SPAG16: variants seen among roughly 807,000 people sequenced by gnomAD.
SPAG16 encodes sperm-associated antigen 16 protein.
In SPAG16, 86 loss-of-function variants were observed where a neutral mutation model predicts 80.4. The observed-to-expected ratio is 1.07, with a 90% CI of 0.90 to 1.28. The LOEUF is 1.28. Among genes scored for constraint, SPAG16 ranks in the 50% most tolerant of loss-of-function variants. The probability of loss-of-function intolerance (pLI) is 0.00; values close to 1 mark genes in which losing one functional copy is unlikely to be tolerated. For synonymous variants in SPAG16, 294 were observed against 265.9 expected, an observed-to-expected ratio of 1.11 and a Z score of -1.03; for missense variants, 870 against 765.3, an observed-to-expected ratio of 1.14 and a Z score of -1.61.
chr2:213,736,403 T>G (rs2067283941), intron 10 of SPAG16, among the ~76,000 whole-genome samples: 1 of 152,032 alleles, frequency 6.6e-6, no homozygotes, highest in Non-Finnish European at 1.5e-5. Flanking sequence ...TTCTCCCATT[T>G]CAGCCTTCCA....
At chr2:213,605,500 T>A (rs537604681) in intron 10 of SPAG16, among the ~76,000 whole-genome samples, 36 of 152,180 alleles carry the variant, frequency 2.4e-4, no homozygotes, top group South Asian at 8.3e-4. Context: ...AAATATATTT[T>A]TTTTTTGAGA....
At chr2:213,795,816 C>T (rs530046371) in intron 10 of SPAG16, among the ~76,000 whole-genome samples, 1 of 152,312 alleles carries the variant, frequency 6.6e-6, no homozygotes, top group East Asian at 1.9e-4. Flanking sequence ...ACCTGCTTTT[C>T]CTTCACCTTC....
In SPAG16 at chr2:214,204,806, C is replaced by T. The variant is rs147390023; in HGVS notation, c.1720+55540C>T. ...CCCTCCCCAAAAGATCACACCAGCTCACCAGTAATGGATCGAAACCAAGAA... is the reference window on the plus strand; with the variant it reads ...CCCTCCCCAAAAGATCACACCAGCTTACCAGTAATGGATCGAAACCAAGAA... On this transcript the variant is annotated intron_variant, in intron 15 of 15. Transcript: ENST00000331683. Among the ~76,000 whole-genome samples the T allele has an allele frequency of 3.3e-3, 504 of 152,270 alleles. 2 individuals are homozygous for T. Among genetic ancestry groups the T allele is most frequent in the African/African-American group, 0.011 (470 of 41,562 alleles).
At chr2:213,709,639 T>C (rs550760555) in intron 10 of SPAG16, among the ~76,000 whole-genome samples, 1 of 152,216 alleles carries the variant, frequency 6.6e-6, no homozygotes, top group African/African-American at 2.4e-5. Context: ...CCTTACTCTG[T>C]TTTTTTCAAG....
Position 214,026,663 on chromosome 2 carries a change from T to C in SPAG16, c.1527+12586T>C, listed in dbSNP as rs144160607. Reference sequence around the variant, plus strand: ...CTAACCTTTATATCTCCTTAGATAATAGCAATTGATAAATAAAGCTGGAGG... The same window carrying C: ...CTAACCTTTATATCTCCTTAGATAACAGCAATTGATAAATAAAGCTGGAGG... On this transcript the variant is annotated intron_variant, in intron 13 of 15. Transcript: ENST00000331683. Among the ~76,000 whole-genome samples, 1,272 of 151,528 alleles carry C rather than the reference T, an allele frequency of 8.4e-3. 19 individuals are homozygous for C. Among genetic ancestry groups the C allele is most frequent in the African/African-American group, 0.029 (1,211 of 41,474 alleles).
chr2:213,767,655 T>TCATACA (rs1553626610), intron 10 of SPAG16, among the ~76,000 whole-genome samples: 1 of 147,666 alleles, frequency 6.8e-6, no homozygotes, highest in Admixed American at 6.8e-5. Flanking sequence ...ACAACATACT[T>TCATACA]CACACACACA....
At chr2:213,424,946 G>A (rs765543923) in intron 9 of SPAG16, among the ~76,000 whole-genome samples, 1 of 152,144 alleles carries the variant, frequency 6.6e-6, no homozygotes, top group Non-Finnish European at 1.5e-5. Flanking sequence ...AAAGAAGCAA[G>A]ATTTGTTGTA....
At chr2:214,049,693 G>A (rs1005693482) in intron 13 of SPAG16, among the ~76,000 whole-genome samples, 8 of 152,214 alleles carry the variant, frequency 5.3e-5, no homozygotes, top group Non-Finnish European at 1.0e-4. Flanking sequence ...GGGGACCAGC[G>A]GGGCTGCCCC....
At chr2:214,027,916 T>C (rs187342203) in intron 13 of SPAG16, among the ~76,000 whole-genome samples, 2 of 152,078 alleles carry the variant, frequency 1.3e-5, no homozygotes, top group East Asian at 3.9e-4. Context: ...TCTTGGAATG[T>C]ATCGTGATTG....
chr2:213,445,248 C>T (rs767941532), intron 9 of SPAG16, among the ~76,000 whole-genome samples: 15 of 152,014 alleles, frequency 9.9e-5, no homozygotes, highest in South Asian at 2.1e-4. Flanking sequence ...TACTTGCAAA[C>T]GATTCAACTG....
intron 9 of SPAG16, among the ~76,000 whole-genome samples, chr2:213,453,789 T>C (rs1466568055): frequency 2.6e-5 from 4 of 152,188 alleles, no homozygotes; most frequent in Non-Finnish European, 5.9e-5. Flanking sequence ...GACAATGAAT[T>C]GGTTCTATGG....
At chr2:213,693,890 C>T (rs1247523255) in intron 10 of SPAG16, among the ~76,000 whole-genome samples, 1 of 152,148 alleles carries the variant, frequency 6.6e-6, no homozygotes, top group Non-Finnish European at 1.5e-5. Context: ...GCAGTCACTA[C>T]TTAGCTCTAC....
At chr2:214,235,205 C>T (rs996246651) in intron 15 of SPAG16, among the ~76,000 whole-genome samples, 1 of 151,994 alleles carries the variant, frequency 6.6e-6, no homozygotes, top group Non-Finnish European at 1.5e-5. Context: ...CAACCTAAGT[C>T]CAACAGCACA....
At chr2:213,626,640 A>C (rs1156905312) in intron 10 of SPAG16, among the ~76,000 whole-genome samples, 1 of 135,468 alleles carries the variant, frequency 7.4e-6, no homozygotes, top group Admixed American at 7.9e-5. Flanking sequence ...TATCGGGCTC[A>C]ATTTTTTTTT....
At chr2:214,334,255 G>A (rs1360215396) in intron 15 of SPAG16, among the ~76,000 whole-genome samples, 1 of 152,232 alleles carries the variant, frequency 6.6e-6, no homozygotes, top group Non-Finnish European at 1.5e-5. Flanking sequence ...GCTATAGATA[G>A]ATCCTGAGGG....
chr2:214,172,442 T>A (rs2056906110), intron 15 of SPAG16, among the ~76,000 whole-genome samples: 1 of 152,070 alleles, frequency 6.6e-6, no homozygotes, highest in Non-Finnish European at 1.5e-5. Context: ...GTTTTATGGC[T>A]GCACTGCATA....
In SPAG16 at chr2:213,387,431, C is replaced by CTTTTTTTTTT. The variant is rs71060428; in HGVS notation, c.942+12332_942+12341dup. Among the ~76,000 whole-genome samples, 325 of 47,866 alleles carry CTTTTTTTTTT rather than the reference C, an allele frequency of 6.8e-3. 82 individuals carry two copies. The highest frequency in any genetic ancestry group is 0.015 in the African/African-American group (135 of 8,764). 31.4% of individuals were successfully genotyped at this position (47,866 alleles called of 152,430 possible). Reference sequence around the variant, plus strand: ...TTTGGGTTGGAATGAAATGCATGCTCTTTTTTTTTTTTTTTTTTTTTTTTT... The same window carrying CTTTTTTTTTT: ...TTTGGGTTGGAATGAAATGCATGCTCTTTTTTTTTTTTTTTTTTTTTTTTTTTTTTTTTTT... On this transcript the variant is annotated intron_variant, in intron 9 of 15. Transcript: ENST00000331683.
chr2:213,293,432 T>C (rs928368983), intron 1 of SPAG16, among the ~76,000 whole-genome samples: 5 of 152,244 alleles, frequency 3.3e-5, no homozygotes, highest in Admixed American at 1.3e-4. Flanking sequence ...GAAGAAATGA[T>C]GTGTGACTTC....
intron 9 of SPAG16, among the ~76,000 whole-genome samples, chr2:213,488,707 C>T (rs1265580927): frequency 1.3e-5 from 2 of 151,946 alleles, no homozygotes; most frequent in African/African-American, 2.4e-5. Flanking sequence ...TGAGACTAAG[C>T]GAGCTTTTAA....
Sources: allele counts gnomAD v4.1 joint callset (sites outside exome capture counted in the v4.1 genomes callset), GRCh38; gene constraint gnomAD v4.1.1; transcripts MANE v1.5; gene names NCBI Gene and HGNC (gene_info 2026-07-23, HGNC 2026-07-21).